Variants in TRPV1 observed in about 807,000 individuals in gnomAD.
The protein encoded by TRPV1 is OTRPC1.
A neutral mutation model predicts 82.3 loss-of-function variants in TRPV1; 82 were observed. The observed-to-expected ratio is 1.00, with a 90% CI of 0.83 to 1.20. The LOEUF is 1.20. Ranked by LOEUF, TRPV1 falls within the 50% of genes most tolerant of loss-of-function variation. The pLI, the probability that TRPV1 is intolerant of heterozygous loss-of-function variation, is 0.00. For synonymous variants in TRPV1, 515 were observed against 467.7 expected (o/e 1.10, Z -1.30); for missense variants, 1,067 against 1,096.8 (o/e 0.97, Z 0.38).
chr17:3,592,373 C>T lies in TRPV1; in HGVS notation c.-23G>A, dbSNP rs1567672340. 1 of 1,572,342 alleles carries T rather than the reference C, an allele frequency of 6.4e-7. No homozygotes were observed. Among genetic ancestry groups the T allele is most frequent in the African/African-American group, 1.3e-5 (1 of 74,166 alleles). On this transcript the variant is annotated 5_prime_UTR_variant, in exon 3 of 17. Coordinates refer to ENST00000572705, the MANE Select transcript of TRPV1 (RefSeq NM_080704.4). ...CATCCTTGCTGGATCCTCTGTGGCC[C>T]AGTGTGCAACCTGCAGCAGCCACCA...
Position 3,577,209 on chromosome 17 carries a change from G to T in TRPV1, c.1714-17C>A. ...CAGGATCATCTGCAGGAGACAGCAG[G>T]CTCATCAGAGCCGAGGCCAGGCCCA... On this transcript the variant is annotated splice_polypyrimidine_tract_variant and intron_variant, in intron 12 of 16. Transcript: ENST00000572705. 5.1e-6 allele frequency: 8 copies of T among 1,570,424 alleles called. No individual in the cohort carries two copies. The highest frequency in any genetic ancestry group is 6.9e-6 in the Non-Finnish European group (8 of 1,158,206).
chr17:3,581,505 AG>A (rs954864795), intron 10 of TRPV1, among the ~76,000 whole-genome samples: 122 of 152,282 alleles, frequency 8.0e-4, no homozygotes, highest in African/African-American at 2.9e-3. Flanking sequence ...GTGAAGACGA[AG>A]TTCAATGACT....
chr17:3,598,401 G>T (rs2075237263), intron 2 of TRPV1, among the ~76,000 whole-genome samples: 1 of 152,134 alleles, frequency 6.6e-6, no homozygotes, highest in Non-Finnish European at 1.5e-5. Context: ...CGGGCAGTGG[G>T]AGGGCAGAGA....
chr17:3,607,655 G>C (rs1293583851), intron 2 of TRPV1, among the ~76,000 whole-genome samples: 1 of 151,372 alleles, frequency 6.6e-6, no homozygotes, highest in Non-Finnish European at 1.5e-5. Context: ...TCCTGCCTCA[G>C]CCTCCTAAGT....
chr17:3,602,951 G>A (rs369056670), intron 2 of TRPV1, among the ~76,000 whole-genome samples: 3 of 152,046 alleles, frequency 2.0e-5, no homozygotes, highest in East Asian at 1.9e-4. Flanking sequence ...GAGAAACCCC[G>A]TCTCTACTAA....
chr17:3,606,205 GC>G (rs1388656697), intron 2 of TRPV1, among the ~76,000 whole-genome samples: 1 of 152,116 alleles, frequency 6.6e-6, no homozygotes, highest in African/African-American at 2.4e-5. Context: ...CAAGTGATCC[GC>G]CCTCCTCGGC....
chr17:3,567,460 G>A lies in TRPV1; in HGVS notation c.2348-473C>T, dbSNP rs372562152. 5.3e-5 allele frequency among the ~76,000 whole-genome samples: 8 copies of A among 151,616 alleles called. No individual in the cohort carries two copies. In the East Asian group the frequency reaches 1.2e-3, roughly 22 times the overall value. On this transcript the variant is annotated intron_variant, in intron 16 of 16. Coordinates refer to ENST00000572705, the MANE Select transcript of TRPV1 (RefSeq NM_080704.4). ...ATGCGAGTGCTTCCTGAGGCACCTG[G>A]ATCGGTGCAATGTCCTCCTCCCTCA... is the stretch of plus-strand genomic sequence containing the variant.
At chr17:3,589,691 G>A in intron 7 of TRPV1, 116 bp downstream of exon 7, 1 of 1,262,208 alleles carries the variant, frequency 7.9e-7, no homozygotes, top group East Asian at 2.5e-5. Context: ...TGGTATGACA[G>A]AATCAGAGTC....
At chr17:3,599,277 A>AT (rs2075244593) in intron 2 of TRPV1, among the ~76,000 whole-genome samples, 1 of 142,316 alleles carries the variant, frequency 7.0e-6, no homozygotes, top group African/African-American at 3.1e-5. Context: ...GTTGTGGCAA[A>AT]ATATATATAA....
chr17:3,574,938 A>C (rs1387248230), intron 13 of TRPV1, among the ~76,000 whole-genome samples: 1 of 151,310 alleles, frequency 6.6e-6, no homozygotes, highest in African/African-American at 2.4e-5. Flanking sequence ...AAAAAAAAAA[A>C]AGATGTGGAC....
intron 2 of TRPV1, among the ~76,000 whole-genome samples, chr17:3,599,833 C>T (rs1020690521): frequency 2.6e-5 from 4 of 152,008 alleles, no homozygotes; most frequent in Non-Finnish European, 2.9e-5. Flanking sequence ...GTTGGCCAGG[C>T]GGGTCTCGAT....
In TRPV1 at chr17:3,577,402, G is replaced by A. The variant is rs966570947; in HGVS notation, c.1713+196C>T. ...GAGATGGAGGCCTGGTGTGCAGGGG[G>A]GGTCAGGTTTCAGGGGACCCCCCTA... On this transcript the variant is annotated intron_variant, in intron 12 of 16. Coordinates refer to ENST00000572705, the MANE Select transcript of TRPV1 (RefSeq NM_080704.4). 3.9e-5 allele frequency among the ~76,000 whole-genome samples: 6 copies of A among 152,288 alleles called. 1 individual carries two copies. The South Asian group carries it at 1.2e-3, about 32-fold the overall frequency.
intron 13 of TRPV1, among the ~76,000 whole-genome samples, chr17:3,575,739 C>T (rs2074920766): frequency 6.6e-6 from 1 of 152,130 alleles, no homozygotes; most frequent in South Asian, 2.1e-4. Context: ...CATCATGTGA[C>T]TCCCAATAAA....
chr17:3,600,524 G>T (rs1413655968), intron 2 of TRPV1, among the ~76,000 whole-genome samples: 1 of 152,184 alleles, frequency 6.6e-6, no homozygotes, highest in Admixed American at 6.5e-5. Flanking sequence ...GGGAGGCAGA[G>T]GTTGCAGTGA....
chr17:3,589,769 C>CCCGCA, intron 7 of TRPV1, 38 bp downstream of exon 7: 1 of 1,580,724 alleles, frequency 6.3e-7, no homozygotes, highest in Non-Finnish European at 8.6e-7. Flanking sequence ...TGCCATCAGC[C>CCCGCA]CCGCACCGCA....
At chr17:3,586,330 C>G (rs573126685) in intron 8 of TRPV1, among the ~76,000 whole-genome samples, 1 of 152,222 alleles carries the variant, frequency 6.6e-6, no homozygotes, top group African/African-American at 2.4e-5. Context: ...TCTGGGTCCT[C>G]ACTTCTCACG....
chr17:3,592,571 T>C, intron 2 of TRPV1, 188 bp from the exon 3 acceptor site: 1 of 629,706 alleles, frequency 1.6e-6, no homozygotes, highest in South Asian at 2.0e-5. Context: ...GCCTCAGAGG[T>C]GAGCAGGCCT....
At chr17:3,603,368 G>A (rs537216296) in intron 2 of TRPV1, among the ~76,000 whole-genome samples, 1 of 152,168 alleles carries the variant, frequency 6.6e-6, no homozygotes, top group African/African-American at 2.4e-5. Context: ...CCAGGGCAGG[G>A]ACTGGGAACA....
Position 3,573,912 on chromosome 17 carries a change from C to G in TRPV1, c.1824G>C (p.Pro608=). The change falls in exon 14 of 17, where the codon CCG becomes CCC. Residue 608 remains proline (P), a synonymous_variant. Coordinates refer to ENST00000572705, the MANE Select transcript of TRPV1 (RefSeq NM_080704.4). ...GCCACCTGTGCGACGTGGACTCAGA[C>G]GGCAGGGAGTCATTCTTCCCGTCTT... ...LIEDGKNDSL[P]SESTSHRWRG... 1.2e-6 allele frequency: 2 copies of G among 1,608,178 alleles called. No homozygotes were observed. The highest frequency in any genetic ancestry group is 1.7e-5 in the Admixed American group (1 of 58,160).
Sources: gnomAD v4.1 joint callset for allele counts (sites outside exome capture counted in the v4.1 genomes callset) on GRCh38, gnomAD v4.1.1 for gene constraint, MANE v1.5 for transcripts, NCBI Gene and HGNC (gene_info 2026-07-23, HGNC 2026-07-21) for gene names.